Variants in PAPSS1 observed in about 807,000 individuals in gnomAD.
PAPSS1 encodes bifunctional 3'-phosphoadenosine 5'-phosphosulfate synthase 1.
Under a neutral mutation model 72.0 loss-of-function variants are expected in PAPSS1, and 50 were observed. The observed-to-expected ratio is 0.69, with a 90% CI of 0.55 to 0.88. PAPSS1 has a LOEUF of 0.88. PAPSS1 is among the 40% of genes least tolerant of loss of function. The probability of loss-of-function intolerance (pLI) is 0.00; values close to 1 mark genes in which losing one functional copy is unlikely to be tolerated. For missense variants in PAPSS1, 657 were observed against 782.2 expected, an observed-to-expected ratio of 0.84 and a Z score of 1.91; for synonymous variants, 261 against 263.6, an observed-to-expected ratio of 0.99 and a Z score of 0.09.
At chr4:107,637,335 A>G (rs1726410362) in intron 10 of PAPSS1, among the ~76,000 whole-genome samples, 1 of 152,188 alleles carries the variant, frequency 6.6e-6, no homozygotes. Context: ...CAAACCTGGC[A>G]AAGACTTCGG....
At chr4:107,648,995 T>C (rs555168039) in intron 9 of PAPSS1, among the ~76,000 whole-genome samples, 1 of 152,246 alleles carries the variant, frequency 6.6e-6, no homozygotes, top group African/African-American at 2.4e-5. Context: ...ATGGCAGCAA[T>C]GAACTACTTT....
chr4:107,635,107 C>T (rs1726336178), intron 10 of PAPSS1, among the ~76,000 whole-genome samples: 1 of 152,170 alleles, frequency 6.6e-6, no homozygotes, highest in African/African-American at 2.4e-5. Context: ...CTATTCTAGA[C>T]ATATTTTTAA....
At chr4:107,696,558 A>G (rs1290446064) in intron 2 of PAPSS1, among the ~76,000 whole-genome samples, 3 of 151,996 alleles carry the variant, frequency 2.0e-5, no homozygotes, top group Non-Finnish European at 2.9e-5. Flanking sequence ...ACTAGGGCCT[A>G]TCGGTGGGGA....
intron 10 of PAPSS1, among the ~76,000 whole-genome samples, chr4:107,632,616 A>T (rs1441495176): frequency 6.6e-6 from 1 of 152,150 alleles, no homozygotes; most frequent in Non-Finnish European, 1.5e-5. Flanking sequence ...AAAAACAAAA[A>T]TTAGTCTAAT....
intron 1 of PAPSS1, among the ~76,000 whole-genome samples, chr4:107,715,750 A>G (rs1005729077): frequency 6.6e-6 from 1 of 152,232 alleles, no homozygotes; most frequent in African/African-American, 2.4e-5. Flanking sequence ...TACAAAGTTT[A>G]AGTGTTAAAT....
chr4:107,650,939 A>C (rs1294399442), intron 9 of PAPSS1, among the ~76,000 whole-genome samples: 1 of 152,216 alleles, frequency 6.6e-6, no homozygotes, highest in East Asian at 1.9e-4. Flanking sequence ...CAATGGCCAG[A>C]AATGACTTAA....
intron 10 of PAPSS1, among the ~76,000 whole-genome samples, chr4:107,634,868 G>A (rs1426185231): frequency 7.1e-6 from 1 of 141,192 alleles, no homozygotes; most frequent in African/African-American, 2.8e-5. Flanking sequence ...GACGATCTCG[G>A]CTCAGTGCAA....
In PAPSS1 at chr4:107,687,187, A is replaced by T; in HGVS notation, c.412-10T>A. 2 of 1,543,580 alleles carry T rather than the reference A, an allele frequency of 1.3e-6. No homozygotes were observed. The highest frequency in any genetic ancestry group is 1.7e-6 in the Non-Finnish European group (2 of 1,154,566). On this transcript the variant is annotated splice_polypyrimidine_tract_variant and intron_variant, in intron 3 of 11. Coordinates refer to ENST00000265174, the MANE Select transcript of PAPSS1 (RefSeq NM_005443.5). Reference sequence around the variant, plus strand: ...TTGCATTGTTGCGATCCTTAAAAAAAAATAAAATAAAAAGTGATCACACAA... The same window carrying T: ...TTGCATTGTTGCGATCCTTAAAAAATAATAAAATAAAAAGTGATCACACAA...
chr4:107,701,379 T>C (rs1467191845), intron 1 of PAPSS1, 94 bp from the exon 2 acceptor site: 1 of 769,744 alleles, frequency 1.3e-6, no homozygotes, highest in Non-Finnish European at 2.1e-6. Context: ...CTATGTAACA[T>C]GCCAAAAGCA....
chr4:107,653,237 C>A (rs79393020), intron 9 of PAPSS1, among the ~76,000 whole-genome samples: 1 of 151,870 alleles, frequency 6.6e-6, no homozygotes. Flanking sequence ...CTTTAACATG[C>A]GAGTTTTATA....
chr4:107,687,957 T>C (rs941960618), intron 3 of PAPSS1, among the ~76,000 whole-genome samples: 1 of 148,878 alleles, frequency 6.7e-6, no homozygotes, highest in Admixed American at 6.8e-5. Flanking sequence ...TCTCACCAGA[T>C]TACCATACTT....
chr4:107,705,120 T>G (rs1723307367), intron 1 of PAPSS1, among the ~76,000 whole-genome samples: 1 of 152,214 alleles, frequency 6.6e-6, no homozygotes, highest in Non-Finnish European at 1.5e-5. Context: ...TGTGATTTTC[T>G]TTTCTTCTAG....
intron 11 of PAPSS1, among the ~76,000 whole-genome samples, chr4:107,616,808 A>T (rs2110293760): frequency 6.6e-6 from 1 of 152,336 alleles, no homozygotes; most frequent in Non-Finnish European, 1.5e-5. Flanking sequence ...GATATAAATA[A>T]GTGAACACAT....
chr4:107,651,291 C>T (rs1483783860), intron 9 of PAPSS1, among the ~76,000 whole-genome samples: 1 of 152,174 alleles, frequency 6.6e-6, no homozygotes, highest in Non-Finnish European at 1.5e-5. Flanking sequence ...TCTGAGGCCT[C>T]CAGTTCTTAA....
intron 11 of PAPSS1, among the ~76,000 whole-genome samples, chr4:107,623,002 G>A (rs1271755685): frequency 6.6e-6 from 1 of 152,190 alleles, no homozygotes; most frequent in Non-Finnish European, 1.5e-5. Context: ...AAGTCCTACT[G>A]ACTGTGCCTC....
intron 4 of PAPSS1, among the ~76,000 whole-genome samples, chr4:107,685,023 A>G (rs1370707890): frequency 1.3e-5 from 2 of 152,120 alleles, no homozygotes; most frequent in Non-Finnish European, 2.9e-5. Flanking sequence ...CTCCTGCCTC[A>G]GCCTCCTGAG....
At chr4:107,685,125 C>G (rs34710028) in intron 4 of PAPSS1, among the ~76,000 whole-genome samples, 74,449 of 151,944 alleles carry the variant, frequency 0.49, 18,475 homozygotes, top group South Asian at 0.63. Context: ...AGGATGGTCT[C>G]GAATCTCTTC....
chr4:107,716,656 T>C (rs886475870), intron 1 of PAPSS1, among the ~76,000 whole-genome samples: 1 of 151,650 alleles, frequency 6.6e-6, no homozygotes, highest in African/African-American at 2.4e-5. Context: ...ACTGGTCCCA[T>C]TGGAGAAAGA....
chr4:107,659,867 C>T, intron 6 of PAPSS1, 92 bp downstream of exon 6: 2 of 670,976 alleles, frequency 3.0e-6, no homozygotes, highest in South Asian at 3.6e-5. Flanking sequence ...TAATACCACC[C>T]CTGGCCTCAA....
Sources: allele counts gnomAD v4.1 joint callset (sites outside exome capture counted in the v4.1 genomes callset), GRCh38; gene constraint gnomAD v4.1.1; transcripts MANE v1.5; gene names NCBI Gene and HGNC (gene_info 2026-07-23, HGNC 2026-07-21).